The following SMOC1 variants were observed in gnomAD, a reference collection of about 807,000 sequenced individuals.
The protein encoded by SMOC1 is SPARC-related modular calcium-binding protein 1.
In SMOC1, 22 loss-of-function variants were observed where a neutral mutation model predicts 56.3. That is an observed-to-expected ratio of 0.39 (90% CI 0.28 to 0.56). SMOC1 has a LOEUF of 0.56. SMOC1 is among the 20% of genes least tolerant of loss of function. The pLI is 0.61. For missense variants in SMOC1, 509 were observed against 565.4 expected, an observed-to-expected ratio of 0.90 and a Z score of 1.01; for synonymous variants, 193 against 215.0, an observed-to-expected ratio of 0.90 and a Z score of 0.89.
At chr14:69,926,685 C>T (rs1172469061) in intron 1 of SMOC1, among the ~76,000 whole-genome samples, 5 of 152,238 alleles carry the variant, frequency 3.3e-5, no homozygotes, top group African/African-American at 1.2e-4. Context: ...CCCTCACACT[C>T]TCTGCTCCTC....
intron 3 of SMOC1, among the ~76,000 whole-genome samples, chr14:69,965,299 T>C (rs1230759853): frequency 6.6e-6 from 1 of 151,906 alleles, no homozygotes; most frequent in Non-Finnish European, 1.5e-5. Flanking sequence ...GAGAATCGCT[T>C]GAACCCGGGA....
intron 1 of SMOC1, among the ~76,000 whole-genome samples, chr14:69,904,927 C>G (rs1884365961): frequency 6.6e-6 from 1 of 152,178 alleles, no homozygotes; most frequent in African/African-American, 2.4e-5. Flanking sequence ...CACCATCCCA[C>G]CACTGCCCAT....
chr14:69,948,572 A>G (rs61980657), intron 1 of SMOC1, among the ~76,000 whole-genome samples: 6,463 of 152,216 alleles, frequency 0.042, 162 homozygotes, highest in Non-Finnish European at 0.05. Flanking sequence ...CCTGTAGTTC[A>G]ACTTCACGGG....
At chr14:69,972,854 G>A (rs1341274197) in intron 3 of SMOC1, among the ~76,000 whole-genome samples, 3 of 152,206 alleles carry the variant, frequency 2.0e-5, no homozygotes, top group African/African-American at 7.2e-5. Context: ...TTTTGAACCA[G>A]CCCGTTCTCT....
chr14:69,942,397 G>A (rs886365165), intron 1 of SMOC1, among the ~76,000 whole-genome samples: 3 of 152,122 alleles, frequency 2.0e-5, no homozygotes, highest in Non-Finnish European at 2.9e-5. Flanking sequence ...TTAGTTTTGT[G>A]TTTATTGTTT....
chr14:70,029,756 G>A (rs908809470), intron 11 of SMOC1, among the ~76,000 whole-genome samples: 3 of 152,172 alleles, frequency 2.0e-5, no homozygotes, highest in African/African-American at 7.2e-5. Context: ...CTCCTCAGGG[G>A]TGAAGGGATT....
chr14:69,883,242 A>G (rs1464109154), intron 1 of SMOC1, among the ~76,000 whole-genome samples: 2 of 152,064 alleles, frequency 1.3e-5, no homozygotes, highest in African/African-American at 4.8e-5. Flanking sequence ...CTCCTCTCTA[A>G]CTATAATTAT....
At chr14:69,898,234 G>A (rs868501726) in intron 1 of SMOC1, among the ~76,000 whole-genome samples, 1 of 151,854 alleles carries the variant, frequency 6.6e-6, no homozygotes, top group Non-Finnish European at 1.5e-5. Context: ...TTTTTTTGCA[G>A]TTTGAATATG....
intron 1 of SMOC1, among the ~76,000 whole-genome samples, chr14:69,881,562 A>C (rs1883640259): frequency 6.6e-6 from 1 of 152,116 alleles, no homozygotes; most frequent in Non-Finnish European, 1.5e-5. Flanking sequence ...GAAGTGATGG[A>C]ACGTAAGCAG....
Position 70,032,150 on chromosome 14 carries a change from T to A in SMOC1, c.*1892T>A, listed in dbSNP as rs1433380765. The A allele has an allele frequency of 6.6e-6, 1 of 152,276 alleles. No individual in the cohort carries two copies. Among genetic ancestry groups the A allele is most frequent in the African/African-American group, 2.4e-5 (1 of 41,444 alleles). The allele number at this position is 152,276 out of a possible 1,614,324, so 9.4% of individuals were successfully genotyped here. On this transcript the variant is annotated 3_prime_UTR_variant, in exon 12 of 12. Coordinates refer to ENST00000361956, the MANE Select transcript of SMOC1 (RefSeq NM_001034852.3). ...CAACGTGCCGGAGCTGAGTGGGCCT[T>A]GCACGAGACACTGGCCCCACTTTCA...
intron 1 of SMOC1, among the ~76,000 whole-genome samples, chr14:69,937,005 T>C (rs142961740): frequency 6.6e-6 from 1 of 152,328 alleles, no homozygotes; most frequent in East Asian, 1.9e-4. Flanking sequence ...ATTGTGAGCA[T>C]TTCCCCGGTC....
intron 1 of SMOC1, among the ~76,000 whole-genome samples, chr14:69,904,058 GC>G (rs1172530625): frequency 6.6e-6 from 1 of 152,158 alleles, no homozygotes; most frequent in Non-Finnish European, 1.5e-5. Context: ...GCACTGGGGG[GC>G]CCAGGTGAAA....
At position 70,023,262 on chromosome 14, in the gene SMOC1, G is replaced by C. The variant is rs367850441; in HGVS notation, c.1106G>C (p.Ser369Thr). 2.5e-6 allele frequency: 4 copies of C among 1,614,164 alleles called. No homozygotes were observed. Among genetic ancestry groups the C allele is most frequent in the Non-Finnish European group, 3.4e-6 (4 of 1,180,028 alleles). ...GAGCGGGTAGTGCACTGGTATTTCA[G>C]CCAGCTGGACAGCAATAGCAGCAAC... ...LEERVVHWYF[S>T]QLDSNSSNDI... The change falls in exon 11 of 12, where the codon AGC becomes ACC. Residue 369 changes from serine (S) to threonine (T), a missense_variant. Transcript: ENST00000361956.
At chr14:69,964,838 A>T (rs184977800) in intron 3 of SMOC1, among the ~76,000 whole-genome samples, 8 of 152,258 alleles carry the variant, frequency 5.3e-5, no homozygotes, top group African/African-American at 4.8e-5. Flanking sequence ...GAAGCTGTGT[A>T]GCTTGCCCAG....
chr14:69,952,257 G>A lies in SMOC1; in HGVS notation c.219G>A (p.Lys73=). The change falls in exon 2 of 12, where the codon AAG becomes AAA. Residue 73 remains lysine, a synonymous_variant. Transcript: ENST00000361956. ...CCATGTGTGAGTACCAGCGAGCCAA[G>A]TGCCGAGACCCGACCCTGGGCGTGG... ...YESMCEYQRA[K]CRDPTLGVVH... 4 of 1,614,178 alleles carry A rather than the reference G, an allele frequency of 2.5e-6. No individual in the cohort carries two copies. The highest frequency in any genetic ancestry group is 3.4e-6 in the Non-Finnish European group (4 of 1,180,030).
chr14:70,005,998 T>G (rs1042392702), intron 7 of SMOC1, among the ~76,000 whole-genome samples: 3 of 152,162 alleles, frequency 2.0e-5, no homozygotes, highest in Non-Finnish European at 4.4e-5. Context: ...TCTGAACCCA[T>G]GATCATGAAG....
chr14:69,896,048 T>C (rs1884090651), intron 1 of SMOC1, among the ~76,000 whole-genome samples: 1 of 152,208 alleles, frequency 6.6e-6, no homozygotes, highest in East Asian at 1.9e-4. Flanking sequence ...CTTGCTATAT[T>C]GTCTAGGCTG....
intron 7 of SMOC1, among the ~76,000 whole-genome samples, chr14:70,002,396 A>AT (rs760669216): frequency 1.3e-5 from 2 of 152,150 alleles, no homozygotes; most frequent in Non-Finnish European, 2.9e-5. Flanking sequence ...CCTGAGCACA[A>AT]TTTCGGTGGC....
chr14:69,944,979 A>G (rs117827559), intron 1 of SMOC1, among the ~76,000 whole-genome samples: 2,389 of 152,364 alleles, frequency 0.016, 21 homozygotes, highest in Non-Finnish European at 0.025. Flanking sequence ...AAAAGAAAGG[A>G]ACAAATACCT....
Sources: gnomAD v4.1 joint callset for allele counts (sites outside exome capture counted in the v4.1 genomes callset) on GRCh38, gnomAD v4.1.1 for gene constraint, MANE v1.5 for transcripts, NCBI Gene and HGNC (gene_info 2026-07-23, HGNC 2026-07-21) for gene names.